The following NBEA variants were observed in gnomAD, a reference collection of about 807,000 sequenced individuals.
The protein encoded by NBEA is lysosomal-trafficking regulator 2.
Under a neutral mutation model 343.4 loss-of-function variants are expected in NBEA, and 44 were observed. The observed-to-expected ratio is 0.13, with a 90% CI of 0.10 to 0.16. The LOEUF (loss-of-function observed/expected upper bound fraction) is 0.16, where lower values mean the gene tolerates loss of function less well. Ranked by LOEUF, NBEA falls within the 10% of genes least tolerant of loss-of-function variation. NBEA has a pLI of 1.00. For missense variants in NBEA, 2,555 were observed against 3,631.3 expected (o/e 0.70, Z 7.62); for synonymous variants, 1,175 against 1,238.7 (o/e 0.95, Z 1.08).
chr13:35,485,186 G>GA (rs1161170212), intron 41 of NBEA, among the ~76,000 whole-genome samples: 2 of 152,130 alleles, frequency 1.3e-5, no homozygotes, highest in African/African-American at 2.4e-5. Flanking sequence ...TTCATATTAT[G>GA]AAAAAAGATG....
intron 1 of NBEA, among the ~76,000 whole-genome samples, chr13:34,966,519 A>G (rs17051776): frequency 0.027 from 4,148 of 152,016 alleles, 82 homozygotes; most frequent in South Asian, 0.075. Flanking sequence ...GGTTTTCTGT[A>G]AATAACTTGG....
At position 35,452,191 on chromosome 13, in the gene NBEA, A is replaced by T; in HGVS notation, c.6404A>T (p.Asp2135Val). Residue 2135 changes from aspartate (D) to valine (V), a missense_variant, in exon 40 of 59, where the codon GAT (aspartate) becomes GTT (valine). By Grantham distance (152) the Asp-to-Val change is radical. Coordinates refer to ENST00000379939, the MANE Select transcript of NBEA (RefSeq NM_001385012.1). ...ETELMLEGDD[D>V]AVSLLQEKEI... ...GAACTTATGCTGGAAGGAGACGATGATGCAGTCAGTCTGCTACAGGAGAAA... is the reference window on the plus strand; with the variant it reads ...GAACTTATGCTGGAAGGAGACGATGTTGCAGTCAGTCTGCTACAGGAGAAA... The T allele has an allele frequency of 1.2e-6, 2 of 1,603,426 alleles. No individual in the cohort carries two copies. The highest frequency in any genetic ancestry group is 1.7e-6 in the Non-Finnish European group (2 of 1,173,968).
Position 35,526,755 on chromosome 13 carries a change from C to T in NBEA, c.6586-23722C>T, listed in dbSNP as rs556294415. Among the ~76,000 whole-genome samples the T allele has an allele frequency of 5.9e-5, 9 of 152,260 alleles. 1 individual carries two copies. The South Asian group carries it at 1.0e-3, about 18-fold the overall frequency. ...CACAGAGTGGTGAAGAATGTGTGAG[C>T]GAGTGCATGGTCCGGCCACCGTGCA... On this transcript the variant is annotated intron_variant, in intron 41 of 58. Transcript: ENST00000379939.
intron 49 of NBEA, among the ~76,000 whole-genome samples, chr13:35,642,001 A>G (rs2083980227): frequency 6.6e-6 from 1 of 152,218 alleles, no homozygotes; most frequent in Non-Finnish European, 1.5e-5. Flanking sequence ...TAATAACATT[A>G]AGAAAGAATA....
intron 1 of NBEA, among the ~76,000 whole-genome samples, chr13:34,987,159 C>G (rs999937776): frequency 6.6e-6 from 1 of 150,942 alleles, no homozygotes; most frequent in Non-Finnish European, 1.5e-5. Flanking sequence ...TTGCTGCTTT[C>G]CATGTTTAGT....
At chr13:35,284,047 A>G (rs1363466476) in intron 34 of NBEA, among the ~76,000 whole-genome samples, 1 of 151,794 alleles carries the variant, frequency 6.6e-6, no homozygotes, top group African/African-American at 2.4e-5. Context: ...ACATCTTGGG[A>G]TGAGTAAATA....
At chr13:35,604,000 C>A (rs2082174664) in intron 47 of NBEA, among the ~76,000 whole-genome samples, 1 of 152,114 alleles carries the variant, frequency 6.6e-6, no homozygotes, top group Non-Finnish European at 1.5e-5. Flanking sequence ...ATATGCATTT[C>A]TGATTGGATG....
intron 56 of NBEA, among the ~76,000 whole-genome samples, chr13:35,666,045 C>T (rs574436041): frequency 1.9e-3 from 289 of 152,114 alleles, no homozygotes; most frequent in Non-Finnish European, 3.2e-3. Context: ...GAGCCTGATG[C>T]TTGGAGAAAC....
chr13:35,359,838 G>A (rs765554545), intron 38 of NBEA, among the ~76,000 whole-genome samples: 4,402 of 109,724 alleles, frequency 0.04, 95 homozygotes, highest in Non-Finnish European at 0.054. Context: ...GTGTATGTGT[G>A]TGTGTGTGTG....
intron 35 of NBEA, among the ~76,000 whole-genome samples, chr13:35,304,222 G>T (rs932268756): frequency 6.6e-6 from 1 of 152,054 alleles, no homozygotes; most frequent in African/African-American, 2.4e-5. Flanking sequence ...ACTAAAAAAA[G>T]AGCAACTCAG....
intron 34 of NBEA, among the ~76,000 whole-genome samples, chr13:35,243,795 A>T (rs1383740275): frequency 6.6e-6 from 1 of 151,926 alleles, no homozygotes; most frequent in African/African-American, 2.4e-5. Flanking sequence ...GTTCTGCAAT[A>T]ATCGTGGGAG....
intron 36 of NBEA, among the ~76,000 whole-genome samples, chr13:35,334,469 C>T (rs1166833894): frequency 6.6e-6 from 1 of 152,090 alleles, no homozygotes; most frequent in African/African-American, 2.4e-5. Flanking sequence ...GGGGTTTTAC[C>T]CTGTTGGCCA....
intron 35 of NBEA, among the ~76,000 whole-genome samples, chr13:35,304,480 A>T (rs112404368): frequency 0.017 from 2,579 of 152,160 alleles, 49 homozygotes; most frequent in African/African-American, 0.042. Context: ...CAGCCTCCCG[A>T]GTAGCTGGGA....
At chr13:35,071,194 C>G (rs1004849522) in intron 10 of NBEA, among the ~76,000 whole-genome samples, 5 of 151,868 alleles carry the variant, frequency 3.3e-5, no homozygotes, top group African/African-American at 1.2e-4. Flanking sequence ...GAAACCCTGT[C>G]AGGTTGAAGA....
chr13:35,399,871 A>T (rs763952282), intron 38 of NBEA, among the ~76,000 whole-genome samples: 1 of 152,158 alleles, frequency 6.6e-6, no homozygotes, highest in East Asian at 1.9e-4. Context: ...GCCTAATGTC[A>T]GTACTGTTGT....
At chr13:35,361,841 C>G (rs1261248039) in intron 38 of NBEA, among the ~76,000 whole-genome samples, 3 of 151,880 alleles carry the variant, frequency 2.0e-5, no homozygotes, top group African/African-American at 7.2e-5. Context: ...TTAACAGATG[C>G]TTCGTTACTG....
At position 35,159,160 on chromosome 13, in the gene NBEA, G is replaced by A; in HGVS notation, c.2989G>A (p.Gly997Arg). ...ATCACAGACAACAGGAGCAAAAGGTGGAATGGAAATTCGAGAGATAGAAGA... is the reference window on the plus strand; with the variant it reads ...ATCACAGACAACAGGAGCAAAAGGTAGAATGGAAATTCGAGAGATAGAAGA... ...LSSQTTGAKG[G>R]MEIREIEDLS... The change falls in exon 22 of 59, where the codon GGA becomes AGA. Residue 997 changes from glycine to arginine, a missense_variant. Gly to Arg is a moderately radical substitution (Grantham distance 125). Around this residue, in one of 21 missense-constraint regions of NBEA, gnomAD observed 367 missense variants for 377.5 expected, o/e 0.97. Transcript: ENST00000379939. The A allele has an allele frequency of 5.6e-6, 9 of 1,613,446 alleles. No homozygotes were observed. The highest frequency in any genetic ancestry group is 7.6e-6 in the Non-Finnish European group (9 of 1,179,576).
At chr13:35,267,985 C>G (rs1780258323) in intron 34 of NBEA, among the ~76,000 whole-genome samples, 1 of 151,970 alleles carries the variant, frequency 6.6e-6, no homozygotes, top group African/African-American at 2.4e-5. Context: ...TACCATGTCA[C>G]CTAGCAATTT....
At chr13:35,518,948 A>G (rs2077591048) in intron 41 of NBEA, among the ~76,000 whole-genome samples, 1 of 152,208 alleles carries the variant, frequency 6.6e-6, no homozygotes, top group Non-Finnish European at 1.5e-5. Context: ...TCAAACGTAG[A>G]ACATGACAAA....
Sources: gnomAD v4.1 joint callset for allele counts (sites outside exome capture counted in the v4.1 genomes callset) on GRCh38, gnomAD v4.1.1 for gene constraint, gnomAD v4.1.1 regional missense constraint, MANE v1.5 for transcripts, NCBI Gene and HGNC (gene_info 2026-07-23, HGNC 2026-07-21) for gene names.